The following PRR16 variants were observed in gnomAD, a reference collection of about 807,000 sequenced individuals.
PRR16 encodes protein Largen.
PRR16 carries 6 observed loss-of-function variants against 18.2 expected under a neutral mutation model. The observed-to-expected ratio is 0.33, with a 90% CI of 0.18 to 0.65. The LOEUF (loss-of-function observed/expected upper bound fraction) is 0.65, where lower values mean the gene tolerates loss of function less well. PRR16 is among the 30% of genes least tolerant of loss of function. The pLI is 0.74. For synonymous variants in PRR16, 151 were observed against 147.8 expected, an observed-to-expected ratio of 1.02 and a Z score of -0.16; for missense variants, 412 against 376.6, an observed-to-expected ratio of 1.09 and a Z score of -0.78.
At chr5:120,659,221 C>A (rs1185444586) in intron 1 of PRR16, among the ~76,000 whole-genome samples, 1 of 151,846 alleles carries the variant, frequency 6.6e-6, no homozygotes, top group Non-Finnish European at 1.5e-5. Flanking sequence ...AAAGACCATC[C>A]TTTATTTTTA....
the PRR16 span, among the ~76,000 whole-genome samples, chr5:120,740,391 C>G: frequency 8.7e-6 from 1 of 114,484 alleles, no homozygotes; most frequent in African/African-American, 4.6e-5. Flanking sequence ...AAGACTACTT[C>G]CATGTGAAAC....
chr5:120,733,401 T>A, the PRR16 span, among the ~76,000 whole-genome samples: 1 of 152,134 alleles, frequency 6.6e-6, no homozygotes, highest in African/African-American at 2.4e-5. Context: ...CCTCCCACTT[T>A]AACATCTCAA....
chr5:120,737,879 C>T, the PRR16 span, among the ~76,000 whole-genome samples: 2 of 151,968 alleles, frequency 1.3e-5, no homozygotes, highest in South Asian at 4.2e-4. Context: ...TCCATTTTTG[C>T]TAGGTTATTT....
At chr5:120,484,367 T>C (rs908432613) in intron 1 of PRR16, among the ~76,000 whole-genome samples, 4 of 146,350 alleles carry the variant, frequency 2.7e-5, no homozygotes, top group Non-Finnish European at 4.5e-5. Flanking sequence ...AAATATATAA[T>C]ACATGAATAT....
At chr5:120,707,277 C>T in the PRR16 span, among the ~76,000 whole-genome samples, 2 of 152,126 alleles carry the variant, frequency 1.3e-5, no homozygotes, top group African/African-American at 2.4e-5. Flanking sequence ...CCAGCTATTA[C>T]ATGATGGAGT....
At chr5:120,514,968 C>A (rs1332578883) in intron 1 of PRR16, among the ~76,000 whole-genome samples, 1 of 152,134 alleles carries the variant, frequency 6.6e-6, no homozygotes, top group African/African-American at 2.4e-5. Context: ...TAGCAACAGT[C>A]CCACTTAGCT....
At chr5:120,743,962 C>T in the PRR16 span, among the ~76,000 whole-genome samples, 1 of 151,866 alleles carries the variant, frequency 6.6e-6, no homozygotes, top group Non-Finnish European at 1.5e-5. Flanking sequence ...TAGCATTGGT[C>T]CTATATTTGT....
intron 1 of PRR16, among the ~76,000 whole-genome samples, chr5:120,561,241 G>A (rs563397057): frequency 6.6e-6 from 1 of 151,852 alleles, no homozygotes; most frequent in Non-Finnish European, 1.5e-5. Context: ...CTTTTTTGAT[G>A]TAGACCTTAT....
At position 120,521,403 on chromosome 5, in the gene PRR16, T is replaced by A. The variant is rs540336214; in HGVS notation, c.159+56758T>A. 4.4e-4 allele frequency among the ~76,000 whole-genome samples: 67 copies of A among 152,298 alleles called. No homozygotes were observed. The South Asian group carries it at 8.1e-3, about 18-fold the overall frequency. ...GGTTGTTATTGTTATTTGGTTCTAA[T>A]GGGATATGTGTACTTTGTTTCCATA... On this transcript the variant is annotated intron_variant, in intron 1 of 1. Coordinates refer to ENST00000407149, the MANE Select transcript of PRR16 (RefSeq NM_001300783.2).
the PRR16 span, among the ~76,000 whole-genome samples, chr5:120,742,729 A>C: frequency 0.48 from 73,225 of 151,994 alleles, 18,921 homozygotes; most frequent in East Asian, 0.79. Context: ...AAACAATATA[A>C]ATAAATATAT....
At chr5:120,660,055 G>A (rs1249840780) in intron 1 of PRR16, among the ~76,000 whole-genome samples, 1 of 151,984 alleles carries the variant, frequency 6.6e-6, no homozygotes, top group African/African-American at 2.4e-5. Flanking sequence ...GATTGAGTGT[G>A]GAGTGTAGGG....
chr5:120,761,581 A>C, the PRR16 span, among the ~76,000 whole-genome samples: 1 of 152,230 alleles, frequency 6.6e-6, no homozygotes, highest in East Asian at 1.9e-4. Context: ...TATTTTGTTT[A>C]GATTTATCTT....
the PRR16 span, among the ~76,000 whole-genome samples, chr5:120,711,217 C>A: frequency 1.7e-4 from 26 of 152,284 alleles, 1 homozygote; most frequent in Middle Eastern, 0.01. Context: ...CATATAACAG[C>A]ATATTCATGG....
intron 1 of PRR16, among the ~76,000 whole-genome samples, chr5:120,678,932 T>C (rs1440747866): frequency 6.6e-6 from 1 of 152,164 alleles, no homozygotes; most frequent in Non-Finnish European, 1.5e-5. Flanking sequence ...ATTATATAAT[T>C]ATTTAATTTC....
At chr5:120,761,432 A>C in the PRR16 span, among the ~76,000 whole-genome samples, 1 of 152,122 alleles carries the variant, frequency 6.6e-6, no homozygotes, top group South Asian at 2.1e-4. Context: ...CAAAGACTAT[A>C]TCTATAAAGA....
chr5:120,630,751 C>A (rs1416750471), intron 1 of PRR16, among the ~76,000 whole-genome samples: 5 of 152,180 alleles, frequency 3.3e-5, no homozygotes, highest in African/African-American at 9.6e-5. Context: ...AGTGTCAACC[C>A]CAAATTGTTT....
chr5:120,763,320 G>C, the PRR16 span, among the ~76,000 whole-genome samples: 4 of 151,754 alleles, frequency 2.6e-5, no homozygotes, highest in Non-Finnish European at 5.9e-5. Context: ...TCTTTTTTTT[G>C]TATTTTTAGT....
At chr5:120,654,875 C>T (rs1755913431) in intron 1 of PRR16, among the ~76,000 whole-genome samples, 1 of 151,622 alleles carries the variant, frequency 6.6e-6, no homozygotes, top group African/African-American at 2.4e-5. Flanking sequence ...GTAGGAACAA[C>T]CCAGGACATC....
At chr5:120,758,465 T>G in the PRR16 span, among the ~76,000 whole-genome samples, 2 of 152,148 alleles carry the variant, frequency 1.3e-5, no homozygotes, top group Non-Finnish European at 2.9e-5. Context: ...TTGTTTTTAC[T>G]TAGTTAATAT....
Sources: gnomAD v4.1 joint callset for allele counts (sites outside exome capture counted in the v4.1 genomes callset) on GRCh38, gnomAD v4.1.1 for gene constraint, MANE v1.5 for transcripts, NCBI Gene and HGNC (gene_info 2026-07-23, HGNC 2026-07-21) for gene names.